The following PSME3 variants were observed in gnomAD, a reference collection of about 807,000 sequenced individuals.
The protein encoded by PSME3 is proteasome activator subunit 3.
Under a neutral mutation model 38.3 loss-of-function variants are expected in PSME3, and 7 were observed. The observed-to-expected ratio is 0.18, with a 90% confidence interval of 0.10 to 0.34. The LOEUF is 0.34. Among genes scored for constraint, PSME3 ranks in the 10% least tolerant of loss-of-function variants. The probability of loss-of-function intolerance (pLI) is 1.00; values close to 1 mark genes in which losing one functional copy is unlikely to be tolerated. For missense variants in PSME3, 192 were observed against 307.6 expected, an observed-to-expected ratio of 0.62 and a Z score of 2.81; for synonymous variants, 108 against 105.7, an observed-to-expected ratio of 1.02 and a Z score of -0.13.
In PSME3 at chr17:42,838,743, G is replaced by T. The variant is rs2055494259; in HGVS notation, c.418G>T (p.Val140Leu). The change falls in exon 7 of 11, where the codon GTA (valine) becomes TTA (leucine). Residue 140 changes from valine (V) to leucine (L), a missense_variant. Val to Leu is a conservative substitution (Grantham distance 32). Coordinates refer to ENST00000590720, the MANE Select transcript of PSME3 (RefSeq NM_005789.4). ...TTTTGACCTCCAGGTCAAAATGTGG[G>T]TACAGCTCCTGATTCCCAGGATAGA... ...IEKCNTVKMW[V>L]QLLIPRIEDG... The T allele has an allele frequency of 6.2e-7, 1 of 1,613,420 alleles. No homozygotes were observed. Among genetic ancestry groups the T allele is most frequent in the African/African-American group, 1.3e-5 (1 of 74,902 alleles).
At chr17:42,838,250 ACCTG>A in intron 6 of PSME3, 45 bp downstream of exon 6, 1 of 1,610,510 alleles carries the variant, frequency 6.2e-7, no homozygotes. Flanking sequence ...CAAGTACCCC[ACCTG>A]AAGTGCAAAA....
intron 3 of PSME3, 45 bp from the exon 4 acceptor site, chr17:42,834,727 T>A: frequency 6.2e-7 from 1 of 1,610,790 alleles, no homozygotes; most frequent in Non-Finnish European, 8.5e-7. Flanking sequence ...AATACTTCTT[T>A]GTTCAGCTTG....
chr17:42,833,792 G>C (rs1215086569), intron 1 of PSME3, 119 bp downstream of exon 1: 1 of 1,596,574 alleles, frequency 6.3e-7, no homozygotes, highest in Non-Finnish European at 8.5e-7. Flanking sequence ...GCTTCCGCTC[G>C]GCTCAGCCCA....
chr17:42,838,041 A>T (rs894075054), intron 5 of PSME3, 52 bp from the exon 6 acceptor site: 76 of 1,585,882 alleles, frequency 4.8e-5, no homozygotes, highest in Admixed American at 1.3e-4. Flanking sequence ...GAGGCAGGGG[A>T]TGCTGTGTCC....
intron 6 of PSME3, 36 bp downstream of exon 6, chr17:42,838,241 A>G: frequency 3.1e-6 from 5 of 1,612,384 alleles, no homozygotes; most frequent in Non-Finnish European, 4.2e-6. Flanking sequence ...GGCCGGCCCC[A>G]AGTACCCCAC....
chr17:42,833,566 C>T lies in PSME3; in HGVS notation c.-66C>T. On this transcript the variant is annotated 5_prime_UTR_variant, in exon 1 of 11. Transcript: ENST00000590720. ...TCAGCCGAGATTTCTCAGGTCCCTC[C>T]GGCCCCCTCCCTGGAGTCCACAGCG... The T allele has an allele frequency of 1.9e-6, 3 of 1,602,802 alleles. No individual in the cohort carries two copies. Among genetic ancestry groups the T allele is most frequent in the South Asian group, 1.1e-5 (1 of 90,768 alleles).
At chr17:42,834,671 T>G (rs2055440766) in intron 3 of PSME3, 94 bp downstream of exon 3, 1 of 1,598,742 alleles carries the variant, frequency 6.3e-7, no homozygotes. Context: ...CTTCTTTTTA[T>G]TTTTTTAAAC....
intron 6 of PSME3, among the ~76,000 whole-genome samples, chr17:42,838,439 C>T (rs1205612389): frequency 1.3e-5 from 2 of 152,106 alleles, no homozygotes; most frequent in Non-Finnish European, 1.5e-5. Context: ...TCCCGAGTAG[C>T]TGGGATTACA....
chr17:42,840,014 A>C (rs941425680), intron 10 of PSME3, among the ~76,000 whole-genome samples: 1 of 136,680 alleles, frequency 7.3e-6, no homozygotes, highest in African/African-American at 2.8e-5. Flanking sequence ...AAATAAAAAT[A>C]GGCTGTAATC....
At chr17:42,840,134 T>A (rs1490557882) in intron 10 of PSME3, among the ~76,000 whole-genome samples, 1 of 150,082 alleles carries the variant, frequency 6.7e-6, no homozygotes, top group South Asian at 2.1e-4. Context: ...AAAAAAAAAT[T>A]TAGCCGGGCG....
At chr17:42,836,067 C>T (rs988511415) in intron 4 of PSME3, among the ~76,000 whole-genome samples, 27 of 148,830 alleles carry the variant, frequency 1.8e-4, no homozygotes, top group Non-Finnish European at 2.7e-4. Flanking sequence ...TGCAGTGGCG[C>T]GATCTCAGCT....
In PSME3 at chr17:42,841,510, G is replaced by T; in HGVS notation, c.697G>T (p.Asp233Tyr). 2 of 1,605,672 alleles carry T rather than the reference G, an allele frequency of 1.2e-6. No individual in the cohort carries two copies. Among genetic ancestry groups the T allele is most frequent in the South Asian group, 2.2e-5 (2 of 90,466 alleles). The change falls in exon 11 of 11, where the codon GAC becomes TAC. Residue 233 changes from aspartate to tyrosine, a missense_variant. Transcript: ENST00000590720. ...CCTCTTCTCTCAGGTCACTCTACAT[G>T]ACATGATCCTGAAAAATATCGAGAA... The part of the protein sequence containing the change: ...ELRNQYVTLH[D>Y]MILKNIEKIK...
At chr17:42,838,656 C>A in intron 6 of PSME3, 75 bp from the exon 7 acceptor site, 1 of 1,379,646 alleles carries the variant, frequency 7.2e-7, no homozygotes. Context: ...TGGCATCTGG[C>A]TCCAGCCGTC....
intron 4 of PSME3, among the ~76,000 whole-genome samples, chr17:42,837,150 C>A (rs1354542110): frequency 6.6e-6 from 1 of 152,064 alleles, no homozygotes; most frequent in African/African-American, 2.4e-5. Context: ...TTCCTGGGTT[C>A]AAGCAGTTCT....
In PSME3 at chr17:42,841,776, A is replaced by G. The variant is rs934927504; in HGVS notation, c.*198A>G. On this transcript the variant is annotated 3_prime_UTR_variant, in exon 11 of 11. Coordinates refer to ENST00000590720, the MANE Select transcript of PSME3 (RefSeq NM_005789.4). ...TTTTTCAGGCCTCAGGAACTCTTCT[A>G]TTTCCTTCCCTAATACCCCACACCC... 2.9e-5 allele frequency: 13 copies of G among 446,202 alleles called. No individual in the cohort carries two copies. Among genetic ancestry groups the G allele is most frequent in the South Asian group, 8.0e-5 (2 of 24,850 alleles). The allele number at this position is 446,202 out of a possible 1,614,324, so 27.6% of individuals were successfully genotyped here. A position where few individuals can be genotyped will look rare whatever the true frequency, so the allele number is the denominator to read the frequency against.
chr17:42,843,159 C>G lies in PSME3; in HGVS notation c.*1581C>G, dbSNP rs2055555341. 6.5e-6 allele frequency: 1 copy of G among 152,752 alleles called. No homozygotes were observed. Among genetic ancestry groups the G allele is most frequent in the Non-Finnish European group, 1.5e-5 (1 of 68,050 alleles). The allele number at this position is 152,752 out of a possible 1,614,324, so 9.5% of individuals were successfully genotyped here. On this transcript the variant is annotated 3_prime_UTR_variant, in exon 11 of 11. Transcript: ENST00000590720. ...TGTTCCACTGCCCCTCCTCCTCACC[C>G]TATCACCCATGGATCGTAATGTAAA... is the stretch of plus-strand genomic sequence containing the variant.
At chr17:42,839,495 C>T (rs187552141) in intron 10 of PSME3, 115 bp downstream of exon 10, 1 of 790,882 alleles carries the variant, frequency 1.3e-6, no homozygotes, top group South Asian at 1.6e-5. Flanking sequence ...ATGAATAGAC[C>T]AAATTCTATT....
chr17:42,841,024 T>C (rs1013003470), intron 10 of PSME3, among the ~76,000 whole-genome samples: 4 of 151,198 alleles, frequency 2.6e-5, no homozygotes, highest in African/African-American at 9.7e-5. Context: ...TCCCAGCTAC[T>C]CAGGTGGCTG....
intron 1 of PSME3, 114 bp downstream of exon 1, chr17:42,833,787 C>T (rs1323371936): frequency 6.2e-7 from 1 of 1,600,888 alleles, no homozygotes; most frequent in Non-Finnish European, 8.5e-7. Context: ...TCTGAGCTTC[C>T]GCTCGGCTCA....
Sources: allele counts gnomAD v4.1 joint callset (sites outside exome capture counted in the v4.1 genomes callset), GRCh38; gene constraint gnomAD v4.1.1; transcripts MANE v1.5; gene names NCBI Gene and HGNC (gene_info 2026-07-23, HGNC 2026-07-21).